Variants in MYLK observed in about 807,000 individuals in gnomAD.
MYLK encodes myosin light chain kinase, also known as myosin light chain kinase, smooth muscle.
MYLK carries 106 observed loss-of-function variants against 203.4 expected under a neutral mutation model. The ratio of observed to expected loss-of-function variants is 0.52; its 90% CI spans 0.45 to 0.61. MYLK has a LOEUF of 0.61. MYLK is among the 20% of genes least tolerant of loss of function. MYLK has a pLI of 0.00. For synonymous variants in MYLK, 867 were observed against 959.5 expected (o/e 0.90, Z 1.78); for missense variants, 2,072 against 2,442.3 (o/e 0.85, Z 3.20).
intron 18 of MYLK, among the ~76,000 whole-genome samples, chr3:123,697,500 A>G (rs1365808056): frequency 6.6e-6 from 1 of 152,236 alleles, no homozygotes; most frequent in Non-Finnish European, 1.5e-5. Context: ...CAGTACCCTG[A>G]TAAAATAATA....
intron 13 of MYLK, among the ~76,000 whole-genome samples, chr3:123,717,338 T>C (rs1369128764): frequency 6.6e-6 from 1 of 152,254 alleles, no homozygotes; most frequent in Non-Finnish European, 1.5e-5. Context: ...CTGATGCCTG[T>C]TGTCTTCATT....
intron 19 of MYLK, chr3:123,691,331 C>T (rs1374866256): frequency 2.6e-5 from 4 of 152,204 alleles, no homozygotes; most frequent in Non-Finnish European, 4.4e-5. Flanking sequence ...ACAGCATCCA[C>T]TGTGCAGAAC....
chr3:123,709,043 C>T (rs7632625), intron 14 of MYLK, 148 bp from the exon 15 acceptor site: 27,342 of 654,964 alleles, frequency 0.042, 2,583 homozygotes, highest in African/African-American at 0.28. Context: ...GGAATTCAAA[C>T]AGGATCTACC....
At chr3:123,812,505 G>A (rs555104649) in intron 3 of MYLK, among the ~76,000 whole-genome samples, 6 of 152,304 alleles carry the variant, frequency 3.9e-5, no homozygotes, top group Admixed American at 3.3e-4. Context: ...TCTCTCTTGA[G>A]TGAGACAGTG....
Position 123,830,456 on chromosome 3 carries a change from T to C in MYLK, c.-4+1092A>G, listed in dbSNP as rs377673859. 4.6e-5 allele frequency among the ~76,000 whole-genome samples: 7 copies of C among 152,190 alleles called. No individual in the cohort carries two copies. In the East Asian group the frequency reaches 9.6e-4, roughly 21 times the overall value. ...AAACAGCAGGCCCTACATACTTCGATATGTCTTTCAAAGTAATCTAAGAAG... is the reference window on the plus strand; with the variant it reads ...AAACAGCAGGCCCTACATACTTCGACATGTCTTTCAAAGTAATCTAAGAAG... On this transcript the variant is annotated intron_variant, in intron 3 of 33. Transcript: ENST00000360304.
At chr3:123,721,343 T>C (rs2062080862) in intron 13 of MYLK, among the ~76,000 whole-genome samples, 1 of 152,054 alleles carries the variant, frequency 6.6e-6, no homozygotes, top group African/African-American at 2.4e-5. Context: ...GCCGGGGGCA[T>C]AGGCTCAGGG....
chr3:123,737,785 A>T (rs1054064191), intron 7 of MYLK, among the ~76,000 whole-genome samples: 1 of 152,190 alleles, frequency 6.6e-6, no homozygotes, highest in African/African-American at 2.4e-5. Flanking sequence ...AAACTGTTTC[A>T]AAGGAGCCTG....
rs968566145 is a variant in MYLK at position 123,629,261 on chromosome 3, C to G, written c.5114+213G>C. 3.3e-5 allele frequency among the ~76,000 whole-genome samples: 5 copies of G among 152,200 alleles called. No homozygotes were observed. Among genetic ancestry groups the G allele is most frequent in the Non-Finnish European group, 5.9e-5 (4 of 68,026 alleles). On this transcript the variant is annotated intron_variant, in intron 30 of 33. Coordinates refer to ENST00000360304, the MANE Select transcript of MYLK (RefSeq NM_053025.4). The surrounding 1 kb of genome is among the most constrained non-coding windows in gnomAD (Gnocchi z 4.4). ...GAGCCTCTGAAGGTGAATCCCATGT[C>G]TAGCTCCAGGGGGCAGGGCCTAGGA...
chr3:123,645,461 T>C (rs565815767), intron 27 of MYLK, among the ~76,000 whole-genome samples: 1 of 152,302 alleles, frequency 6.6e-6, no homozygotes, highest in East Asian at 1.9e-4. Context: ...TGGACTCAAC[T>C]TTCCTGGGAG....
chr3:123,857,054 C>G (rs1317947724), intron 2 of MYLK, among the ~76,000 whole-genome samples: 1 of 152,252 alleles, frequency 6.6e-6, no homozygotes, highest in East Asian at 1.9e-4. Flanking sequence ...AAATGCTCAC[C>G]ATCACTGGCC....
In MYLK at chr3:123,762,907, C is replaced by T. The variant is rs546710966; in HGVS notation, c.166-10369G>A. 9.7e-4 allele frequency among the ~76,000 whole-genome samples: 148 copies of T among 152,286 alleles called. 3 individuals are homozygous for T. In the South Asian group the frequency reaches 0.017, roughly 17 times the overall value. On this transcript the variant is annotated intron_variant, in intron 4 of 33. Coordinates refer to ENST00000360304, the MANE Select transcript of MYLK (RefSeq NM_053025.4). ...GAATTCCTATTGTTTATAAATTACT[C>T]GGTCTGTGGTATTTTGTTATAGCAG...
chr3:123,804,931 C>T (rs941390839), intron 3 of MYLK, among the ~76,000 whole-genome samples: 6 of 152,112 alleles, frequency 3.9e-5, no homozygotes, highest in Non-Finnish European at 7.4e-5. Context: ...TGGAACAGGT[C>T]TTCCGCTTGG....
At chr3:123,840,706 T>C (rs2066571757) in intron 2 of MYLK, among the ~76,000 whole-genome samples, 1 of 151,978 alleles carries the variant, frequency 6.6e-6, no homozygotes, top group African/African-American at 2.4e-5. Context: ...AAAAAATATA[T>C]TATTATTCTG....
At chr3:123,728,270 A>T (rs1365000493) in intron 11 of MYLK, among the ~76,000 whole-genome samples, 2 of 152,208 alleles carry the variant, frequency 1.3e-5, no homozygotes, top group African/African-American at 4.8e-5. Context: ...TGGTAGGCCA[A>T]GGCAGAAGGA....
In MYLK at chr3:123,648,426, GCCAAAGATAATCTGAT is replaced by G. The variant is rs1405801378; in HGVS notation, c.4415+529_4415+544del. The stretch of plus-strand genomic sequence containing the variant: ...CTTCTGTGGATCAAATGGAAGGGGT[GCCAAAGATAATCTGAT>G]CCAGTCCTCTCATTTTATTTTATTT... On this transcript the variant is annotated intron_variant, in intron 26 of 33. Transcript: ENST00000360304. The surrounding 1 kb of genome is among the most constrained non-coding windows in gnomAD (Gnocchi z 4.5). 6.6e-6 allele frequency among the ~76,000 whole-genome samples: 1 copy of G among 152,176 alleles called. No individual in the cohort carries two copies. The highest frequency in any genetic ancestry group is 1.5e-5 in the Non-Finnish European group (1 of 68,028).
intron 20 of MYLK, among the ~76,000 whole-genome samples, chr3:123,678,272 C>T (rs1392990654): frequency 6.6e-6 from 1 of 151,978 alleles, no homozygotes; most frequent in Non-Finnish European, 1.5e-5. Context: ...CTGCCTTCTC[C>T]CCAACTGATG....
chr3:123,678,138 C>T (rs1026305068), intron 20 of MYLK, among the ~76,000 whole-genome samples: 1 of 151,782 alleles, frequency 6.6e-6, no homozygotes, highest in Admixed American at 6.6e-5. Context: ...TGACATAGAT[C>T]GAGCTCCTAA....
chr3:123,648,608 T>C lies in MYLK; in HGVS notation c.4415+363A>G, dbSNP rs994702292. 1.3e-5 allele frequency among the ~76,000 whole-genome samples: 2 copies of C among 152,154 alleles called. No individual in the cohort carries two copies. Among genetic ancestry groups the C allele is most frequent in the Non-Finnish European group, 2.9e-5 (2 of 68,034 alleles). On this transcript the variant is annotated intron_variant, in intron 26 of 33. Coordinates refer to ENST00000360304, the MANE Select transcript of MYLK (RefSeq NM_053025.4). This position sits in a 1 kb window ranked among gnomAD's most constrained non-coding sequence, Gnocchi z 4.5. ...GGTATTAAGCTCAGCATGCATTAGCTCTTCTCCCTAATGTTCTGCTCCCCG... is the reference window on the plus strand; with the variant it reads ...GGTATTAAGCTCAGCATGCATTAGCCCTTCTCCCTAATGTTCTGCTCCCCG...
At chr3:123,668,244 A>T (rs1225873649) in intron 20 of MYLK, among the ~76,000 whole-genome samples, 6 of 152,232 alleles carry the variant, frequency 3.9e-5, no homozygotes, top group Non-Finnish European at 7.3e-5. Context: ...CTGTATGCGA[A>T]TATTTGCAGT....
Sources: gnomAD v4.1 joint callset for allele counts (sites outside exome capture counted in the v4.1 genomes callset) on GRCh38, gnomAD v4.1.1 for gene constraint, Gnocchi (gnomAD v3.1) non-coding constraint, MANE v1.5 for transcripts, NCBI Gene and HGNC (gene_info 2026-07-23, HGNC 2026-07-21) for gene names.